Variants in TIAM1 observed in about 807,000 individuals in gnomAD.
TIAM1 encodes the protein rho guanine nucleotide exchange factor TIAM1.
In TIAM1, 65 loss-of-function variants were observed where a neutral mutation model predicts 163.5. The observed-to-expected ratio is 0.40, with a 90% CI of 0.33 to 0.49. TIAM1 has a LOEUF of 0.49. TIAM1 is among the 20% of genes least tolerant of loss of function. The pLI, the probability that TIAM1 is intolerant of heterozygous loss-of-function variation, is 0.77. For missense variants in TIAM1, 1,789 were observed against 2,044.7 expected (o/e 0.87, Z 2.41); for synonymous variants, 833 against 810.1 (o/e 1.03, Z -0.48).
Position 31,225,803 on chromosome 21 carries a change from C to T in TIAM1, c.1732G>A (p.Glu578Lys). The change falls in exon 7 of 28, where the codon GAA becomes AAA. Residue 578 changes from glutamate to lysine, a missense_variant. Physicochemically the swap from Glu to Lys is moderately conservative, Grantham distance 56. Coordinates refer to ENST00000541036, the MANE Select transcript of TIAM1 (RefSeq NM_001353694.2). ...ATTTCACCCATTTTCTTCATCTTTT[C>T]ATCCATGTCAATCTTCTGTTCCAGT... ...KKLEQKIDMD[E>K]KMKKMGEMQL... The T allele has an allele frequency of 1.2e-6, 2 of 1,614,132 alleles. No individual in the cohort carries two copies. Among genetic ancestry groups the T allele is most frequent in the Non-Finnish European group, 1.7e-6 (2 of 1,180,040 alleles).
intron 2 of TIAM1, among the ~76,000 whole-genome samples, chr21:31,349,489 C>T (rs138471536): frequency 1.2e-4 from 18 of 152,294 alleles, no homozygotes; most frequent in African/African-American, 3.1e-4. Flanking sequence ...CATGTGTTCA[C>T]GGGGGGTAAA....
chr21:31,338,238 C>T (rs1217860738), intron 2 of TIAM1, among the ~76,000 whole-genome samples: 1 of 152,162 alleles, frequency 6.6e-6, no homozygotes, highest in Non-Finnish European at 1.5e-5. Context: ...AAGCAGGACC[C>T]GGAATGCAGG....
chr21:31,309,783 C>G (rs1393705507), intron 2 of TIAM1, among the ~76,000 whole-genome samples: 1 of 152,196 alleles, frequency 6.6e-6, no homozygotes, highest in Non-Finnish European at 1.5e-5. Flanking sequence ...AATCTGATTT[C>G]AACTAAAATC....
At chr21:31,227,102 G>A (rs1197744267) in intron 6 of TIAM1, among the ~76,000 whole-genome samples, 2 of 151,762 alleles carry the variant, frequency 1.3e-5, no homozygotes, top group Admixed American at 6.6e-5. Flanking sequence ...GACTACAGGT[G>A]TGTGCCACCA....
chr21:31,465,654 C>T (rs1401929143), intron 1 of TIAM1, among the ~76,000 whole-genome samples: 5 of 151,770 alleles, frequency 3.3e-5, no homozygotes, highest in East Asian at 3.9e-4. Context: ...CACTGCAAGC[C>T]CCGCCTCCCG....
At chr21:31,453,695 T>C (rs1340220584) in intron 2 of TIAM1, among the ~76,000 whole-genome samples, 2 of 21,830 alleles carry the variant, frequency 9.2e-5, no homozygotes, top group Non-Finnish European at 2.2e-4. Flanking sequence ...CTCCAGTAAA[T>C]AAATAAATAA....
At chr21:31,503,467 AAGGG>A (rs1224460048) in intron 1 of TIAM1, among the ~76,000 whole-genome samples, 19 of 60,110 alleles carry the variant, frequency 3.2e-4, no homozygotes, top group Middle Eastern at 5.3e-3. Context: ...GGGAGGGAGG[AAGGG>A]AGGGAGGGAG....
intron 16 of TIAM1, among the ~76,000 whole-genome samples, chr21:31,164,285 G>A (rs563406570): frequency 2.2e-3 from 336 of 152,088 alleles, no homozygotes; most frequent in Non-Finnish European, 3.5e-3. Context: ...AGCTACTCGG[G>A]AGGCTGAGGC....
intron 4 of TIAM1, among the ~76,000 whole-genome samples, chr21:31,255,960 C>T (rs555663456): frequency 1.1e-3 from 167 of 152,268 alleles, no homozygotes; most frequent in African/African-American, 3.8e-3. Flanking sequence ...TGGCAGCTTC[C>T]CCAAAAAATG....
intron 4 of TIAM1, among the ~76,000 whole-genome samples, chr21:31,259,368 C>A (rs2072315130): frequency 1.3e-5 from 2 of 151,986 alleles, no homozygotes; most frequent in Admixed American, 6.6e-5. Flanking sequence ...AACTCCTGAG[C>A]TCAAGCGATC....
At chr21:31,322,034 AAAACAAAC>A (rs201390430) in intron 2 of TIAM1, among the ~76,000 whole-genome samples, 1 of 152,158 alleles carries the variant, frequency 6.6e-6, no homozygotes, top group African/African-American at 2.4e-5. Context: ...ACTCCATATC[AAAACAAAC>A]AAACAAACAA....
At chr21:31,430,635 T>C (rs1602261172) in intron 2 of TIAM1, among the ~76,000 whole-genome samples, 1 of 151,484 alleles carries the variant, frequency 6.6e-6, no homozygotes, top group East Asian at 2.0e-4. Flanking sequence ...TCTTCCGTTC[T>C]TAAAGTTTTC....
intron 15 of TIAM1, among the ~76,000 whole-genome samples, chr21:31,169,554 G>A (rs372792754): frequency 1.6e-4 from 24 of 152,202 alleles, no homozygotes; most frequent in African/African-American, 5.1e-4. Context: ...TATCATCCAC[G>A]AAGGAGACTT....
chr21:31,495,507 G>A (rs528913582), intron 1 of TIAM1, among the ~76,000 whole-genome samples: 30 of 152,256 alleles, frequency 2.0e-4, no homozygotes, highest in Non-Finnish European at 2.9e-4. Context: ...CACGGCAGAG[G>A]AGCCTCCACA....
chr21:31,154,503 A>C lies in TIAM1; in HGVS notation c.2992-77T>G, dbSNP rs1252556335. ...CGCACCTGACACCTGGACCGCCTAG[A>C]GGTGTTCTCCCTGGTTAGTCAACTG... On this transcript the variant is annotated intron_variant, in intron 16 of 27. Transcript: ENST00000541036. The C allele has an allele frequency of 1.8e-5, 26 of 1,467,508 alleles. No homozygotes were observed. In the Middle Eastern group the frequency reaches 1.9e-3, roughly 109 times the overall value. The allele number at this position is 1,467,508 out of a possible 1,614,324, so 90.9% of individuals were successfully genotyped here. A position where few individuals can be genotyped will look rare whatever the true frequency, so the allele number is the denominator to read the frequency against.
At chr21:31,352,545 T>TAAAAA (rs35386667) in intron 2 of TIAM1, among the ~76,000 whole-genome samples, 2 of 132,478 alleles carry the variant, frequency 1.5e-5, no homozygotes, top group African/African-American at 5.6e-5. Context: ...TATGTAGCTT[T>TAAAAA]AAAAAAAAAA....
At chr21:31,233,592 CTACT>C (rs1200441723) in intron 6 of TIAM1, among the ~76,000 whole-genome samples, 2 of 152,148 alleles carry the variant, frequency 1.3e-5, no homozygotes, top group African/African-American at 4.8e-5. Context: ...GTAAACTAAG[CTACT>C]TGGGAGGCTG....
chr21:31,343,141 A>G (rs1335817720), intron 1 of TIAM1, among the ~76,000 whole-genome samples: 2 of 152,206 alleles, frequency 1.3e-5, no homozygotes, highest in Non-Finnish European at 2.9e-5. Context: ...CGCTTACAAA[A>G]AAACAAAAAC....
intron 2 of TIAM1, among the ~76,000 whole-genome samples, chr21:31,337,933 C>T (rs1239941163): frequency 2.6e-5 from 4 of 152,128 alleles, no homozygotes. Flanking sequence ...AGTGCTTTGG[C>T]TCCGCTCTCT....
Sources: gnomAD v4.1 joint callset for allele counts (sites outside exome capture counted in the v4.1 genomes callset) on GRCh38, gnomAD v4.1.1 for gene constraint, MANE v1.5 for transcripts, NCBI Gene and HGNC (gene_info 2026-07-23, HGNC 2026-07-21) for gene names.